SH3GL2: variants seen among roughly 807,000 people sequenced by gnomAD.
SH3GL2 encodes the protein endophilin-A1.
A neutral mutation model predicts 46.0 loss-of-function variants in SH3GL2; 24 were observed. The observed-to-expected ratio is 0.52, with a 90% CI of 0.38 to 0.73. SH3GL2 has a LOEUF of 0.73. Among genes scored for constraint, SH3GL2 ranks in the 30% least tolerant of loss-of-function variants. SH3GL2 has a pLI of 0.00. For synonymous variants in SH3GL2, 196 were observed against 147.1 expected (o/e 1.33, Z -2.40); for missense variants, 413 against 424.2 (o/e 0.97, Z 0.23).
At chr9:17,666,369 A>C (rs1188506423) in intron 1 of SH3GL2, among the ~76,000 whole-genome samples, 2 of 152,120 alleles carry the variant, frequency 1.3e-5, no homozygotes, top group Admixed American at 1.3e-4. Context: ...CCCCAGAAAC[A>C]TTATGACTCT....
chr9:17,784,878 A>G (rs1334006212), intron 3 of SH3GL2, among the ~76,000 whole-genome samples: 1 of 152,104 alleles, frequency 6.6e-6, no homozygotes, highest in Non-Finnish European at 1.5e-5. Flanking sequence ...ATGCCCTGCT[A>G]ACTTTTAAAT....
chr9:17,773,349 A>C (rs9406712), intron 3 of SH3GL2, among the ~76,000 whole-genome samples: 58 of 152,166 alleles, frequency 3.8e-4, no homozygotes, highest in African/African-American at 1.3e-3. Context: ...TTGTTGTTGC[A>C]TATGCCTTTG....
chr9:17,734,680 T>C (rs958326823), intron 1 of SH3GL2, among the ~76,000 whole-genome samples: 1 of 152,070 alleles, frequency 6.6e-6, no homozygotes, highest in Non-Finnish European at 1.5e-5. Context: ...CATAATGCTA[T>C]GTGAAACAAG....
At chr9:17,641,264 C>G (rs940085122) in intron 1 of SH3GL2, among the ~76,000 whole-genome samples, 25 of 152,136 alleles carry the variant, frequency 1.6e-4, no homozygotes, top group African/African-American at 5.3e-4. Context: ...GTTACCATCT[C>G]CTCACTATTC....
chr9:17,642,608 G>C (rs1433025476), intron 1 of SH3GL2, among the ~76,000 whole-genome samples: 2 of 152,130 alleles, frequency 1.3e-5, no homozygotes, highest in Non-Finnish European at 2.9e-5. Flanking sequence ...ATTAAATAGG[G>C]AATCTTTTTC....
chr9:17,728,478 GTATT>G (rs1205406904), intron 1 of SH3GL2, among the ~76,000 whole-genome samples: 2 of 151,720 alleles, frequency 1.3e-5, no homozygotes, highest in Admixed American at 6.6e-5. Context: ...ATGTATGTAT[GTATT>G]TATTTTTATT....
At chr9:17,687,620 A>G (rs1238604598) in intron 1 of SH3GL2, among the ~76,000 whole-genome samples, 1 of 152,108 alleles carries the variant, frequency 6.6e-6, no homozygotes, top group African/African-American at 2.4e-5. Context: ...TTAAAAACAA[A>G]CTATAACATA....
At chr9:17,726,243 C>T (rs1319851405) in intron 1 of SH3GL2, among the ~76,000 whole-genome samples, 1 of 152,080 alleles carries the variant, frequency 6.6e-6, no homozygotes, top group Admixed American at 6.6e-5. Context: ...AGGCTTTTCT[C>T]CAGCAGAGTG....
intron 1 of SH3GL2, among the ~76,000 whole-genome samples, chr9:17,608,997 C>T (rs1445671321): frequency 6.6e-6 from 1 of 152,216 alleles, no homozygotes; most frequent in African/African-American, 2.4e-5. Flanking sequence ...TCCGCTCTTT[C>T]ACTGATCCCA....
At chr9:17,661,017 C>G (rs1183393875) in intron 1 of SH3GL2, among the ~76,000 whole-genome samples, 1 of 151,984 alleles carries the variant, frequency 6.6e-6, no homozygotes, top group Non-Finnish European at 1.5e-5. Flanking sequence ...CAAAAATTAG[C>G]TGGGCACGAT....
At chr9:17,769,830 G>A (rs754078615) in intron 3 of SH3GL2, among the ~76,000 whole-genome samples, 11 of 152,076 alleles carry the variant, frequency 7.2e-5, no homozygotes, top group Admixed American at 2.6e-4. Context: ...TTTACTATTC[G>A]TAATAATGGA....
chr9:17,786,535 C>T lies in SH3GL2; in HGVS notation c.331+11C>T. On this transcript the variant is annotated intron_variant, in intron 4 of 8. Transcript: ENST00000380607. ...ATGATTGCAACTTTGGTAACAAGTGCTTCCTCACATTGTAATTCTTTCATT... is the reference window on the plus strand; with the variant it reads ...ATGATTGCAACTTTGGTAACAAGTGTTTCCTCACATTGTAATTCTTTCATT... The T allele has an allele frequency of 6.2e-7, 1 of 1,611,782 alleles. No individual in the cohort carries two copies. The highest frequency in any genetic ancestry group is 1.3e-5 in the African/African-American group (1 of 74,948).
intron 1 of SH3GL2, among the ~76,000 whole-genome samples, chr9:17,670,808 G>T (rs75324635): frequency 0.046 from 7,063 of 152,110 alleles, 543 homozygotes; most frequent in African/African-American, 0.16. Flanking sequence ...GAAATAATGG[G>T]ACTTACATAT....
intron 1 of SH3GL2, among the ~76,000 whole-genome samples, chr9:17,733,269 A>T (rs7852965): frequency 6.6e-6 from 1 of 151,516 alleles, no homozygotes; most frequent in African/African-American, 2.4e-5. Context: ...AATTTTTTTT[A>T]TTTTTTTCAT....
Position 17,678,836 on chromosome 9 carries a change from G to A in SH3GL2, c.46-68230G>A, listed in dbSNP as rs200109775. Among the ~76,000 whole-genome samples the A allele has an allele frequency of 1.9e-3, 296 of 151,966 alleles. 1 individual carries two copies. Among genetic ancestry groups the A allele is most frequent in the Middle Eastern group, 0.017 (5 of 292 alleles). Reference sequence around the variant, plus strand: ...AGGTGTAAGGAAGGGATCTAGTTTCGGCTTTCTCCATATGGCTAGCCAGTT... The same window carrying A: ...AGGTGTAAGGAAGGGATCTAGTTTCAGCTTTCTCCATATGGCTAGCCAGTT... On this transcript the variant is annotated intron_variant, in intron 1 of 8. Transcript: ENST00000380607.
At chr9:17,579,355 G>C in intron 1 of SH3GL2, 68 bp downstream of exon 1, 1 of 1,161,488 alleles carries the variant, frequency 8.6e-7, no homozygotes, top group Non-Finnish European at 1.2e-6. Context: ...GCTCGGCGCT[G>C]GCCGTCCGGC....
Position 17,789,400 on chromosome 9 carries a change from A to G in SH3GL2, c.474A>G (p.Leu158=). The change falls in exon 6 of 9, where the codon CTA becomes CTG. Residue 158 remains leucine, a synonymous_variant. Transcript: ENST00000380607. ...GCCCTTGACTTTTGCAGCATCATCT[A>G]AAGAAGTTGGAGGGTCGACGCCTGG... ...DKDLREIQHH[L]KKLEGRRLDF... 1.2e-6 allele frequency: 2 copies of G among 1,613,116 alleles called. No individual in the cohort carries two copies. Among genetic ancestry groups the G allele is most frequent in the Non-Finnish European group, 1.7e-6 (2 of 1,179,342 alleles).
At chr9:17,593,886 G>C (rs1342522143) in intron 1 of SH3GL2, among the ~76,000 whole-genome samples, 1 of 152,106 alleles carries the variant, frequency 6.6e-6, no homozygotes, top group Non-Finnish European at 1.5e-5. Context: ...CCCATTCTGA[G>C]CACTTGTGAG....
At chr9:17,580,905 C>T (rs1193875004) in intron 1 of SH3GL2, among the ~76,000 whole-genome samples, 1 of 152,182 alleles carries the variant, frequency 6.6e-6, no homozygotes, top group African/African-American at 2.4e-5. Context: ...CCCTCAAAGG[C>T]AATTAAGAGT....
Sources: allele counts gnomAD v4.1 joint callset (sites outside exome capture counted in the v4.1 genomes callset), GRCh38; gene constraint gnomAD v4.1.1; transcripts MANE v1.5; gene names NCBI Gene and HGNC (gene_info 2026-07-23, HGNC 2026-07-21).